Variants in DNAI3 observed in about 807,000 individuals in gnomAD.
The protein encoded by DNAI3 is WD repeat domain 63.
DNAI3 carries 83 observed loss-of-function variants against 115.5 expected under a neutral mutation model. The observed-to-expected ratio is 0.72, with a 90% confidence interval of 0.60 to 0.86. The LOEUF is 0.86. Ranked by LOEUF, DNAI3 falls within the 40% of genes least tolerant of loss-of-function variation. The pLI is 0.00. For synonymous variants in DNAI3, 320 were observed against 347.0 expected, an observed-to-expected ratio of 0.92 and a Z score of 0.86; for missense variants, 1,004 against 1,075.8, an observed-to-expected ratio of 0.93 and a Z score of 0.93.
chr1:85,067,715 A>G (rs760935334), intron 1 of DNAI3, among the ~76,000 whole-genome samples: 2 of 152,152 alleles, frequency 1.3e-5, no homozygotes, highest in African/African-American at 2.4e-5. Flanking sequence ...GTGAAAGACA[A>G]AGAAGAGGTT....
At chr1:85,129,905 A>G in intron 21 of DNAI3, 85 bp from the exon 22 acceptor site, 3 of 1,485,592 alleles carry the variant, frequency 2.0e-6, no homozygotes, top group Non-Finnish European at 2.7e-6. Flanking sequence ...ACCTAATTAC[A>G]AGCAGCAGAA....
chr1:85,097,640 AAG>A lies in DNAI3; in HGVS notation c.1338_1339del (p.Arg446SerfsTer10). ...NIKAGGSRSK[R>X]ATLKPMFLLE... is the part of the protein sequence containing the mutation. ...TTAAGGCAGGTGGTAGTAGAAGTAAAAGAGCCACACTGAAGGTAAGCTTTTTA... is the reference window on the plus strand; with the variant it reads ...TTAAGGCAGGTGGTAGTAGAAGTAAAAGCCACACTGAAGGTAAGCTTTTTA... On this transcript the variant is annotated frameshift_variant, in exon 12 of 23. Coordinates refer to ENST00000294664, the MANE Select transcript of DNAI3 (RefSeq NM_145172.5). LOFTEE classifies it high-confidence loss of function. 2 of 1,612,222 alleles carry A rather than the reference AAG, an allele frequency of 1.2e-6. No homozygotes were observed. Among genetic ancestry groups the A allele is most frequent in the South Asian group, 2.2e-5 (2 of 90,544 alleles).
At chr1:85,068,470 T>C (rs1654163785) in intron 1 of DNAI3, among the ~76,000 whole-genome samples, 1 of 152,226 alleles carries the variant, frequency 6.6e-6, no homozygotes, top group Non-Finnish European at 1.5e-5. Context: ...CTGCCTGATC[T>C]AAGCACCCTC....
At chr1:85,098,280 T>C (rs1196457070) in intron 12 of DNAI3, among the ~76,000 whole-genome samples, 1 of 152,222 alleles carries the variant, frequency 6.6e-6, no homozygotes, top group Non-Finnish European at 1.5e-5. Flanking sequence ...AAATGAGATG[T>C]CTCATTGATT....
intron 17 of DNAI3, among the ~76,000 whole-genome samples, chr1:85,118,786 G>A (rs540028116): frequency 4.6e-5 from 7 of 152,194 alleles, no homozygotes; most frequent in South Asian, 2.1e-4. Flanking sequence ...AGGCCATTCC[G>A]ATAGGAAGAA....
Position 85,084,559 on chromosome 1 carries a change from C to A in DNAI3, c.404C>A (p.Pro135Gln). 6.9e-7 allele frequency: 1 copy of A among 1,455,712 alleles called. No homozygotes were observed. Among genetic ancestry groups the A allele is most frequent in the Non-Finnish European group, 9.1e-7 (1 of 1,100,078 alleles). The allele number at this position is 1,455,712 out of a possible 1,614,324, so 90.2% of individuals were successfully genotyped here. A position where few individuals can be genotyped will look rare whatever the true frequency, so the allele number is the denominator to read the frequency against. The change falls in exon 6 of 23, where the codon CCA becomes CAA. Residue 135 changes from proline (P) to glutamine (Q), a missense_variant. By Grantham distance (76) the Pro-to-Gln change is moderately conservative. Around this residue, in one of 3 missense-constraint regions of DNAI3, gnomAD observed 550 missense variants for 568.1 expected, o/e 0.97. Coordinates refer to ENST00000294664, the MANE Select transcript of DNAI3 (RefSeq NM_145172.5). ...KENYLNPPEVPEEQEEYKEHI... is the reference protein window; with the variant it reads ...KENYLNPPEVQEEQEEYKEHI... ...ATTTTACTTTAGCCCCCAGAAGTAC[C>A]AGAAGAACAAGAAGAATATAAAGAA... is the stretch of plus-strand genomic sequence containing the variant.
Position 85,085,869 on chromosome 1 carries a change from T to C in DNAI3, c.579T>C (p.Gly193=), listed in dbSNP as rs1304832469. The C allele has an allele frequency of 6.2e-7, 1 of 1,614,186 alleles. No homozygotes were observed. ...YMISRKRSEF[G]APIKFSDQNA... ...TTTCTCGAAAACGAAGTGAATTTGG[T>C]GCACCAATTAAGTTCAGTGACCAGA... The change falls in exon 7 of 23, where the codon GGT becomes GGC. Residue 193 remains glycine, a synonymous_variant. Transcript: ENST00000294664.
At chr1:85,098,684 T>C (rs2100586731) in intron 13 of DNAI3, 26 bp downstream of exon 13, 2 of 1,605,476 alleles carry the variant, frequency 1.2e-6, no homozygotes, top group East Asian at 4.5e-5. Context: ...CTTATACTTT[T>C]CTCCTGCTGA....
intron 11 of DNAI3, among the ~76,000 whole-genome samples, chr1:85,096,962 A>G (rs1368644571): frequency 6.6e-6 from 1 of 152,186 alleles, no homozygotes; most frequent in African/African-American, 2.4e-5. Context: ...AAAGCACATG[A>G]TGAAAATAAA....
At chr1:85,097,083 T>C (rs1211643115) in intron 11 of DNAI3, among the ~76,000 whole-genome samples, 2 of 152,146 alleles carry the variant, frequency 1.3e-5, no homozygotes, top group African/African-American at 4.8e-5. Context: ...TATCCTGACT[T>C]GTTTTTAAAA....
chr1:85,065,345 T>C (rs550373711), intron 1 of DNAI3, among the ~76,000 whole-genome samples: 3 of 152,094 alleles, frequency 2.0e-5, no homozygotes, highest in Non-Finnish European at 4.4e-5. Context: ...TAAAATAAAA[T>C]GTTTATTTGA....
chr1:85,081,293 C>A lies in DNAI3; in HGVS notation c.163C>A (p.Arg55=). 6.2e-7 allele frequency: 1 copy of A among 1,600,808 alleles called. No homozygotes were observed. The highest frequency in any genetic ancestry group is 1.1e-5 in the South Asian group (1 of 88,428). Reference sequence around the variant, plus strand: ...CAAGACCCAAGAAATATTTAACTGCCGAATAGATGAAGATGTCACAGATGA... The same window carrying A: ...CAAGACCCAAGAAATATTTAACTGCAGAATAGATGAAGATGTCACAGATGA... The part of the protein sequence containing the change: ...TTKTQEIFNC[R]IDEDVTDEQP... Residue 55 remains arginine (R), a synonymous_variant, in exon 4 of 23, where the codon CGA becomes AGA. Transcript: ENST00000294664.
chr1:85,089,184 C>G (rs1266134954), intron 7 of DNAI3, among the ~76,000 whole-genome samples: 2 of 151,948 alleles, frequency 1.3e-5, no homozygotes, highest in East Asian at 3.9e-4. Context: ...TCAATCCTTA[C>G]AATGACACTA....
intron 2 of DNAI3, among the ~76,000 whole-genome samples, chr1:85,072,824 G>A (rs12120245): frequency 0.027 from 4,047 of 148,442 alleles, 110 homozygotes; most frequent in Admixed American, 0.079. Flanking sequence ...GTGTGGTGGC[G>A]GGCGCCTCTA....
At chr1:85,080,697 T>C (rs1480593033) in intron 3 of DNAI3, among the ~76,000 whole-genome samples, 1 of 152,238 alleles carries the variant, frequency 6.6e-6, no homozygotes, top group East Asian at 1.9e-4. Context: ...TAATTTCACT[T>C]TTTAAATCTA....
At chr1:85,089,900 A>C (rs1654921326) in intron 7 of DNAI3, among the ~76,000 whole-genome samples, 1 of 152,198 alleles carries the variant, frequency 6.6e-6, no homozygotes. Context: ...TTACAAAAAT[A>C]AGATTTTTTT....
chr1:85,132,607 A>G (rs1369825412), intron 22 of DNAI3, among the ~76,000 whole-genome samples: 8 of 151,678 alleles, frequency 5.3e-5, no homozygotes, highest in Non-Finnish European at 1.5e-5. Flanking sequence ...GTTATAGGGA[A>G]GAAGGCCGGA....
intron 14 of DNAI3, among the ~76,000 whole-genome samples, chr1:85,105,582 T>C (rs1655466313): frequency 1.3e-5 from 2 of 150,762 alleles, no homozygotes; most frequent in South Asian, 4.2e-4. Flanking sequence ...TATGAGGCTC[T>C]GAAGGCAAAT....
intron 1 of DNAI3, among the ~76,000 whole-genome samples, chr1:85,070,036 G>T (rs1162112319): frequency 6.6e-6 from 1 of 152,134 alleles, no homozygotes; most frequent in African/African-American, 2.4e-5. Flanking sequence ...GCCGAGGCGG[G>T]TGGATCACCA....
Sources: allele counts gnomAD v4.1 joint callset (sites outside exome capture counted in the v4.1 genomes callset), GRCh38; gene constraint gnomAD v4.1.1; regional missense constraint gnomAD v4.1.1; transcripts MANE v1.5; gene names NCBI Gene and HGNC (gene_info 2026-07-23, HGNC 2026-07-21).